Variants in BPTF observed in about 807,000 individuals in gnomAD.
The protein encoded by BPTF is nucleosome-remodeling factor subunit BPTF.
In BPTF, 18 loss-of-function variants were observed where a neutral mutation model predicts 292.5. That is an observed-to-expected ratio of 0.06 (90% confidence interval 0.04 to 0.09). The LOEUF (loss-of-function observed/expected upper bound fraction) is 0.09, where lower values mean the gene tolerates loss of function less well. Among genes scored for constraint, BPTF ranks in the 10% least tolerant of loss-of-function variants. BPTF has a pLI of 1.00. For missense variants in BPTF, 2,726 were observed against 3,498.7 expected, an observed-to-expected ratio of 0.78 and a Z score of 5.57; for synonymous variants, 1,225 against 1,251.9, an observed-to-expected ratio of 0.98 and a Z score of 0.45.
chr17:67,968,533 C>G (rs2148474625), intron 26 of BPTF, among the ~76,000 whole-genome samples: 1 of 151,538 alleles, frequency 6.6e-6, no homozygotes, highest in African/African-American at 2.4e-5. Flanking sequence ...AATACCAGCA[C>G]TTTGGGAGGC....
At chr17:67,923,471 CTTTTTTTTTTTTTT>C (rs58462646) in intron 14 of BPTF, among the ~76,000 whole-genome samples, 1 of 67,494 alleles carries the variant, frequency 1.5e-5, no homozygotes, top group Non-Finnish European at 2.7e-5. Flanking sequence ...CTCTCTCTGT[CTTTTTTTTTTTTTT>C]TTTTTTTTTT....
chr17:67,952,449 G>GAAA (rs2066467202), intron 23 of BPTF, among the ~76,000 whole-genome samples: 1 of 152,058 alleles, frequency 6.6e-6, no homozygotes, highest in Non-Finnish European at 1.5e-5. Context: ...TTTCAGTAGA[G>GAAA]ATGGGGTTTC....
At chr17:67,952,171 T>C (rs1180950960) in intron 23 of BPTF, among the ~76,000 whole-genome samples, 2 of 151,924 alleles carry the variant, frequency 1.3e-5, no homozygotes, top group Non-Finnish European at 2.9e-5. Context: ...GTATATGTAC[T>C]GGCATATTTT....
intron 11 of BPTF, 63 bp downstream of exon 11, chr17:67,913,250 A>G: frequency 1.3e-6 from 2 of 1,491,330 alleles, no homozygotes; most frequent in Non-Finnish European, 1.8e-6. Flanking sequence ...TCTCACAAGA[A>G]TATCTCATTT....
chr17:67,885,914 C>G (rs759896905), intron 4 of BPTF, among the ~76,000 whole-genome samples: 2 of 151,774 alleles, frequency 1.3e-5, no homozygotes, highest in African/African-American at 4.8e-5. Context: ...TCCTCACCCC[C>G]CCAAAAAAAG....
chr17:67,835,551 T>C (rs2057057275), intron 1 of BPTF, among the ~76,000 whole-genome samples: 1 of 152,234 alleles, frequency 6.6e-6, no homozygotes, highest in Non-Finnish European at 1.5e-5. Context: ...ATTGCATTTC[T>C]GCAATAAGAT....
At chr17:67,826,975 C>G (rs560593852) in intron 1 of BPTF, among the ~76,000 whole-genome samples, 3 of 152,058 alleles carry the variant, frequency 2.0e-5, no homozygotes, top group Non-Finnish European at 2.9e-5. Flanking sequence ...CTAATGGGCC[C>G]GTGCAACAGT....
intron 2 of BPTF, 132 bp from the exon 3 acceptor site, chr17:67,866,332 G>T: frequency 1.5e-6 from 1 of 683,570 alleles, no homozygotes; most frequent in Admixed American, 2.5e-5. Context: ...GAGACCTGCA[G>T]GGTTTTCTTG....
chr17:67,893,468 A>G lies in BPTF; in HGVS notation c.2154A>G (p.Gln718=). 1 of 1,614,220 alleles carries G rather than the reference A, an allele frequency of 6.2e-7. No homozygotes were observed. The highest frequency in any genetic ancestry group is 1.3e-5 in the African/African-American group (1 of 75,064). The part of the protein sequence containing the change: ...GNINNYFKLG[Q]EGKYRVYHNQ... ...TCAACAATTATTTTAAATTGGGTCA[A>G]GAAGGGAAGTATCGCGTCTACCACA... Residue 718 remains glutamine (Q), a synonymous_variant, in exon 6 of 28, where the codon CAA becomes CAG. Transcript: ENST00000306378.
At chr17:67,909,110 C>G (rs1315596607) in intron 9 of BPTF, among the ~76,000 whole-genome samples, 1 of 152,060 alleles carries the variant, frequency 6.6e-6, no homozygotes, top group African/African-American at 2.4e-5. Context: ...GCTGGGATTA[C>G]AGGCATGAGC....
chr17:67,929,246 C>T, intron 16 of BPTF, 90 bp from the exon 17 acceptor site: 1 of 1,540,482 alleles, frequency 6.5e-7, no homozygotes, highest in Non-Finnish European at 8.8e-7. Flanking sequence ...TAAAACCCTG[C>T]CACACGTAGT....
chr17:67,976,010 A>C (rs1555693753), intron 27 of BPTF, 52 bp downstream of exon 27: 4 of 1,416,620 alleles, frequency 2.8e-6, no homozygotes, highest in Non-Finnish European at 3.9e-6. Context: ...CACACTCTTT[A>C]TACTATTCTG....
chr17:67,856,968 A>C (rs1360863075), intron 2 of BPTF, among the ~76,000 whole-genome samples: 1 of 151,432 alleles, frequency 6.6e-6, no homozygotes, highest in Non-Finnish European at 1.5e-5. Flanking sequence ...TTCTAGAGAC[A>C]CCCCTCCTTG....
chr17:67,910,963 C>G lies in BPTF; in HGVS notation c.3079C>G (p.His1027Asp). 2.5e-6 allele frequency: 4 copies of G among 1,614,002 alleles called. No individual in the cohort carries two copies. Among genetic ancestry groups the G allele is most frequent in the Non-Finnish European group, 3.4e-6 (4 of 1,179,970 alleles). Residue 1027 changes from histidine (H) to aspartate (D), a missense_variant, in exon 11 of 28, where the codon CAT becomes GAT. Transcript: ENST00000306378. ...AGACGATGACATGAAAACAGAGTCA[C>G]ATGTAAATTGTCAGGAGAGTTCTCA... ...EVDDDMKTESHVNCQESSQVD... is the reference protein window; with the variant it reads ...EVDDDMKTESDVNCQESSQVD...
chr17:67,868,766 T>C (rs2059535290), intron 3 of BPTF, among the ~76,000 whole-genome samples: 1 of 152,238 alleles, frequency 6.6e-6, no homozygotes, highest in Non-Finnish European at 1.5e-5. Flanking sequence ...CCCGGATAGC[T>C]GTATCCAACC....
chr17:67,936,307 A>G (rs772812714), intron 18 of BPTF, among the ~76,000 whole-genome samples: 3 of 152,246 alleles, frequency 2.0e-5, no homozygotes, highest in East Asian at 3.8e-4. Context: ...TGCAGGAACA[A>G]TTGATAAGAT....
intron 20 of BPTF, among the ~76,000 whole-genome samples, 170 bp from the exon 21 acceptor site, chr17:67,945,238 TC>T (rs781845147): frequency 6.6e-6 from 1 of 150,672 alleles, no homozygotes; most frequent in Non-Finnish European, 1.5e-5. Flanking sequence ...AGAGACGGGG[TC>T]TCACTATGTT....
intron 1 of BPTF, among the ~76,000 whole-genome samples, chr17:67,831,864 A>G (rs1217531691): frequency 6.6e-6 from 1 of 152,054 alleles, no homozygotes; most frequent in African/African-American, 2.4e-5. Flanking sequence ...TCTCAGCACT[A>G]GCTTAATGCT....
intron 23 of BPTF, among the ~76,000 whole-genome samples, chr17:67,949,605 A>T (rs1036686270): frequency 6.6e-6 from 1 of 151,222 alleles, no homozygotes; most frequent in Non-Finnish European, 1.5e-5. Flanking sequence ...CTATTTATAC[A>T]TATATATACA....
Sources: allele counts gnomAD v4.1 joint callset (sites outside exome capture counted in the v4.1 genomes callset), GRCh38; gene constraint gnomAD v4.1.1; transcripts MANE v1.5; gene names NCBI Gene and HGNC (gene_info 2026-07-23, HGNC 2026-07-21).